Variants in MKI67 observed in about 807,000 individuals in gnomAD.
The protein encoded by MKI67 is marker of proliferation Ki-67, also known as proliferation marker protein Ki-67.
MKI67 carries 152 observed loss-of-function variants against 233.5 expected under a neutral mutation model. The observed-to-expected ratio is 0.65, with a 90% CI of 0.57 to 0.74. The LOEUF is 0.74. Ranked by LOEUF, MKI67 falls within the 30% of genes least tolerant of loss-of-function variation. The pLI is 0.00. For synonymous variants in MKI67, 1,465 were observed against 1,418.5 expected (o/e 1.03, Z -0.74); for missense variants, 3,940 against 3,885.2 (o/e 1.01, Z -0.37).
chr10:128,122,906 T>G lies in MKI67; in HGVS notation c.262A>C (p.Ile88Leu). Residue 88 changes from isoleucine to leucine, a missense_variant, in exon 4 of 15, where the codon ATA (isoleucine) becomes CTA (leucine). By Grantham distance (5) the Ile-to-Leu change is conservative. Transcript: ENST00000368654. ...EPVRLKHGDVITIIDRSFRYE... is the reference protein window; with the variant it reads ...EPVRLKHGDVLTIIDRSFRYE... ...CTGAAGGAACGATCAATAATAGTTA[T>G]TACATCTCCATGTTTTAGCCGTACA... 1.9e-6 allele frequency: 3 copies of G among 1,588,348 alleles called. No homozygotes were observed. The highest frequency in any genetic ancestry group is 2.6e-6 in the Non-Finnish European group (3 of 1,161,690).
In MKI67 at chr10:128,125,282, C is replaced by T. The variant is rs1490190608; in HGVS notation, c.92+294G>A. ...GGCGCACAGTGTCTTCAGACGCCTG[C>T]CTGCAGCCAGTGACATATGAAGATC... On this transcript the variant is annotated intron_variant, in intron 2 of 14. Transcript: ENST00000368654. This position sits in a 1 kb window ranked among gnomAD's most constrained non-coding sequence, Gnocchi z 5.3. 1.3e-5 allele frequency among the ~76,000 whole-genome samples: 2 copies of T among 152,160 alleles called. No individual in the cohort carries two copies. Among genetic ancestry groups the T allele is most frequent in the Admixed American group, 6.5e-5 (1 of 15,286 alleles).
chr10:128,117,942 CCA>C (rs1388160825), intron 5 of MKI67, among the ~76,000 whole-genome samples: 2 of 152,196 alleles, frequency 1.3e-5, no homozygotes. Context: ...CATATCTAAC[CCA>C]CAGTTCAACT....
Position 128,126,248 on chromosome 10 carries a change from G to C in MKI67, c.-239C>G, listed in dbSNP as rs1020104499. The stretch of plus-strand genomic sequence containing the variant: ...CCGCACACACCGGGCCGCAGCCCGC[G>C]GGGTCGCGTTCGCTGCACCCCGGCC... On this transcript the variant is annotated 5_prime_UTR_variant, in exon 1 of 15. Transcript: ENST00000368654. 3 of 153,088 alleles carry C rather than the reference G, an allele frequency of 2.0e-5. No homozygotes were observed. Among genetic ancestry groups the C allele is most frequent in the Non-Finnish European group, 2.9e-5 (2 of 68,622 alleles). 9.5% of individuals were successfully genotyped at this position (153,088 alleles called of 1,614,324 possible).
At chr10:128,114,788 C>A (rs1042225260) in intron 7 of MKI67, 140 bp downstream of exon 7, 5 of 773,626 alleles carry the variant, frequency 6.5e-6, no homozygotes, top group Admixed American at 2.7e-5. Context: ...AAACAGCGTG[C>A]GTGTCTGTCT....
chr10:128,107,726 G>C lies in MKI67; in HGVS notation c.4114C>G (p.Pro1372Ala). Residue 1372 changes from proline (P) to alanine (A), a missense_variant, in exon 13 of 15, where the codon CCC becomes GCC. Coordinates refer to ENST00000368654, the MANE Select transcript of MKI67 (RefSeq NM_002417.5). The stretch of plus-strand genomic sequence containing the variant: ...GATTCTGGTGGAGAAGATTCGCAGG[G>C]CATTTTAGTAGTTTTGCCAGCAGCC... ...AVAAGKTTKM[P>A]CESSPPESAD... The C allele has an allele frequency of 6.2e-7, 1 of 1,613,738 alleles. No homozygotes were observed. The highest frequency in any genetic ancestry group is 8.5e-7 in the Non-Finnish European group (1 of 1,179,964).
At chr10:128,101,993 A>G (rs980487658) in intron 13 of MKI67, among the ~76,000 whole-genome samples, 4 of 152,240 alleles carry the variant, frequency 2.6e-5, no homozygotes, top group African/African-American at 9.6e-5. Context: ...TACAGTTTAC[A>G]TTATAGAAAG....
chr10:128,118,133 C>T (rs908138223), intron 5 of MKI67, among the ~76,000 whole-genome samples: 1 of 152,150 alleles, frequency 6.6e-6, no homozygotes, highest in Admixed American at 6.5e-5. Context: ...CATGGTGGCT[C>T]AAGCCTGTAA....
In MKI67 at chr10:128,112,217, C is replaced by T; in HGVS notation, c.1885G>A (p.Val629Met). ...TCATGTTGACTTCGGCTGATAGACA[C>T]TCTCTTTGAAGGCAGGTTGCCACTC... ...RKSGNLPSKRVSISRSQHDIL... is the reference protein window; with the variant it reads ...RKSGNLPSKRMSISRSQHDIL... The change falls in exon 9 of 15, where the codon GTG (valine) becomes ATG (methionine). Residue 629 changes from valine to methionine, a missense_variant. Transcript: ENST00000368654. 6.2e-7 allele frequency: 1 copy of T among 1,614,218 alleles called. No individual in the cohort carries two copies. Among genetic ancestry groups the T allele is most frequent in the Non-Finnish European group, 8.5e-7 (1 of 1,180,024 alleles).
intron 12 of MKI67, among the ~76,000 whole-genome samples, chr10:128,110,161 A>C (rs1852639030): frequency 6.6e-6 from 1 of 152,246 alleles, no homozygotes; most frequent in South Asian, 2.1e-4. Context: ...ATTTACACAC[A>C]TTAACGGAGT....
In MKI67 at chr10:128,108,702, C is replaced by T. The variant is rs1246035920; in HGVS notation, c.3138G>A (p.Arg1046=). Reference sequence around the variant, plus strand: ...GCGTGTGCGTGGTCTCCCCTGACGTCCGTGTGAACTTGCCGACTGCTAGGA... The same window carrying T: ...GCGTGTGCGTGGTCTCCCCTGACGTTCGTGTGAACTTGCCGACTGCTAGGA... ...EELLAVGKFT[R]TSGETTHTHR... Residue 1046 remains arginine (R), a synonymous_variant, in exon 13 of 15, where the codon CGG becomes CGA. Transcript: ENST00000368654. 1 of 1,614,218 alleles carries T rather than the reference C, an allele frequency of 6.2e-7. No individual in the cohort carries two copies. The highest frequency in any genetic ancestry group is 1.7e-5 in the Admixed American group (1 of 60,026).
rs1564999181 is a variant in MKI67, at chr10:128,103,485, T to C, written c.8355A>G (p.Arg2785=). ...APAASVTGSR[R]RPRAPRESAQ... ...CACTTTCCCTGGGTGCTCTTGGCCG[T>C]CTCCTGCTGCCAGTTACACTTGCTG... Residue 2785 remains arginine, a synonymous_variant, in exon 13 of 15, where the codon AGA becomes AGG. Transcript: ENST00000368654. The C allele has an allele frequency of 6.2e-7, 1 of 1,613,958 alleles. No homozygotes were observed. Among genetic ancestry groups the C allele is most frequent in the African/African-American group, 1.3e-5 (1 of 75,040 alleles).
chr10:128,105,753 G>A lies in MKI67; in HGVS notation c.6087C>T (p.His2029=), dbSNP rs370136740. The part of the protein sequence containing the change: ...TQTSGKTTQT[H]RETAGDGKSI... ...TCTTTCCATCTCCTGCTGTCTCTCT[G>A]TGTGTCTGTGTGGTCTTCCCTGACG... Residue 2029 remains histidine (H), a synonymous_variant, in exon 13 of 15, where the codon CAC becomes CAT. Transcript: ENST00000368654. 1 of 1,614,076 alleles carries A rather than the reference G, an allele frequency of 6.2e-7. No homozygotes were observed. The highest frequency in any genetic ancestry group is 1.7e-5 in the Admixed American group (1 of 60,006).
Position 128,106,280 on chromosome 10 carries a change from T to G in MKI67, c.5560A>C (p.Thr1854Pro), listed in dbSNP as rs577423081. ...GGAGATTTGCAGAGTATTTTTTTGG[T>G]AGTTTTCTCATCAGTCGTGGGGTTA... is the stretch of plus-strand genomic sequence containing the variant. ...TDNPTTDEKT[T>P]KKILCKSPQS... Residue 1854 changes from threonine (T) to proline (P), a missense_variant, in exon 13 of 15, where the codon ACC becomes CCC. Transcript: ENST00000368654. The G allele has an allele frequency of 6.2e-7, 1 of 1,613,918 alleles. No individual in the cohort carries two copies. The highest frequency in any genetic ancestry group is 8.5e-7 in the Non-Finnish European group (1 of 1,179,996).
At chr10:128,124,422 G>A (rs552981002) in intron 2 of MKI67, among the ~76,000 whole-genome samples, 7 of 152,228 alleles carry the variant, frequency 4.6e-5, no homozygotes, top group South Asian at 4.2e-4. Context: ...CCTCTCCTCC[G>A]CGATGACAGC....
intron 6 of MKI67, 52 bp downstream of exon 6, chr10:128,116,439 C>T (rs999500901): frequency 5.2e-5 from 79 of 1,522,324 alleles, no homozygotes; most frequent in African/African-American, 1.1e-4. Flanking sequence ...CAATATGCTT[C>T]GCAAAGACCT....
Position 128,115,463 on chromosome 10 carries a change from C to A in MKI67, c.945G>T (p.Gln315His), listed in dbSNP as rs200835156. 75 of 1,613,760 alleles carry A rather than the reference C, an allele frequency of 4.6e-5. No homozygotes were observed. The African/African-American group carries it at 8.9e-4, about 19-fold the overall frequency. Residue 315 changes from glutamine (Q) to histidine (H), a missense_variant, in exon 7 of 15, where the codon CAG becomes CAT. By Grantham distance (24) the Gln-to-His change is conservative. Coordinates refer to ENST00000368654, the MANE Select transcript of MKI67 (RefSeq NM_002417.5). ...EPASPEQELD[Q>H]NKGKGRDVES... is the part of the protein sequence containing the mutation. ...CCACGTCTCTTCCCTTCCCCTTGTTCTGGTCAAGCTCTTGTTCAGGTGAAG... is the reference window on the plus strand; with the variant it reads ...CCACGTCTCTTCCCTTCCCCTTGTTATGGTCAAGCTCTTGTTCAGGTGAAG...
chr10:128,108,684 C>G lies in MKI67; in HGVS notation c.3156G>C (p.Thr1052=). The change falls in exon 13 of 15, where the codon ACG becomes ACC. Residue 1052 remains threonine (T), a synonymous_variant. Transcript: ENST00000368654. ...CTCCTGCTGGCTCTCTGTGCGTGTG[C>G]GTGGTCTCCCCTGACGTCCGTGTGA... ...GKFTRTSGET[T]HTHREPAGDG... is the part of the protein sequence containing the mutation. 6.2e-7 allele frequency: 1 copy of G among 1,614,186 alleles called. No homozygotes were observed.
At position 128,106,675 on chromosome 10, in the gene MKI67, T is replaced by TCTG. The variant is rs752581299; in HGVS notation, c.5164_5165insCAG (p.His1722delinsProAsp). The TCTG allele has an allele frequency of 5.6e-6, 9 of 1,614,222 alleles. No homozygotes were observed. The South Asian group carries it at 9.9e-5, about 18-fold the overall frequency. On this transcript the variant is annotated protein_altering_variant, in exon 13 of 15. Transcript: ENST00000368654. ...TTCGTTAGTCATTGATTCCTTAGTG[T>TCTG]GACTTGGTGTCTGGAAGAGCTCGAT...
At chr10:128,123,050 C>T (rs1216395274) in intron 3 of MKI67, 41 bp downstream of exon 3, 5 of 1,587,376 alleles carry the variant, frequency 3.1e-6, no homozygotes, top group Non-Finnish European at 4.3e-6. Context: ...TAAAAGTGAA[C>T]TAAAAAGCTT....
Sources: gnomAD v4.1 joint callset for allele counts (sites outside exome capture counted in the v4.1 genomes callset) on GRCh38, gnomAD v4.1.1 for gene constraint, Gnocchi (gnomAD v3.1) non-coding constraint, MANE v1.5 for transcripts, NCBI Gene and HGNC (gene_info 2026-07-23, HGNC 2026-07-21) for gene names.